The following ASTN2 variants were observed in gnomAD, a reference collection of about 807,000 sequenced individuals.
ASTN2 encodes the protein astrotactin 2, also known as astrotactin-2.
In ASTN2, 54 loss-of-function variants were observed where a neutral mutation model predicts 139.8. That is an observed-to-expected ratio of 0.39 (90% CI 0.31 to 0.48). The LOEUF is 0.48. Among genes scored for constraint, ASTN2 ranks in the 20% least tolerant of loss-of-function variants. ASTN2 has a pLI of 0.95. For missense variants in ASTN2, 1,565 were observed against 1,725.1 expected, an observed-to-expected ratio of 0.91 and a Z score of 1.64; for synonymous variants, 756 against 719.5, an observed-to-expected ratio of 1.05 and a Z score of -0.81.
At chr9:117,057,194 T>A (rs931497991) in intron 5 of ASTN2, among the ~76,000 whole-genome samples, 6 of 152,216 alleles carry the variant, frequency 3.9e-5, no homozygotes, top group African/African-American at 1.4e-4. Context: ...TTATCATGGT[T>A]CCTCCTAGCC....
chr9:116,896,386 G>C (rs1833879385), intron 10 of ASTN2, among the ~76,000 whole-genome samples: 1 of 152,232 alleles, frequency 6.6e-6, no homozygotes, highest in Admixed American at 6.5e-5. Context: ...GCCCAGGCTG[G>C]AGTGCAATGG....
intron 12 of ASTN2, among the ~76,000 whole-genome samples, chr9:116,813,272 T>C (rs1280387017): frequency 6.6e-6 from 1 of 152,182 alleles, no homozygotes; most frequent in Non-Finnish European, 1.5e-5. Flanking sequence ...TTATAGAGAA[T>C]ACCAAAACTA....
rs1370955613 is a variant in ASTN2, at chr9:117,016,645, T to TGTTAC, written c.1424-8387_1424-8386insGTAAC. Reference sequence around the variant, plus strand: ...CTATCTATATATATATATATATATATATATATATATAACCTATATATATGT... The same window carrying TGTTAC: ...CTATCTATATATATATATATATATATGTTACATATATATATAACCTATATATATGT... On this transcript the variant is annotated intron_variant, in intron 6 of 22. Transcript: ENST00000313400. Among the ~76,000 whole-genome samples, 214 of 21,904 alleles carry TGTTAC rather than the reference T, an allele frequency of 9.8e-3. 11 individuals are homozygous for TGTTAC. Among genetic ancestry groups the TGTTAC allele is most frequent in the South Asian group, 0.013 (9 of 670 alleles). 14.4% of individuals were successfully genotyped at this position (21,904 alleles called of 152,430 possible).
intron 19 of ASTN2, among the ~76,000 whole-genome samples, chr9:116,527,938 G>A (rs1456762076): frequency 9.2e-5 from 14 of 152,152 alleles, no homozygotes; most frequent in Admixed American, 9.2e-4. Flanking sequence ...AGAACTGTGA[G>A]TCAAACCTCT....
chr9:117,214,306 C>T (rs1409081356), intron 3 of ASTN2, 52 bp downstream of exon 3: 2 of 1,531,472 alleles, frequency 1.3e-6, no homozygotes, highest in Admixed American at 1.8e-5. Flanking sequence ...GCACCTCTTC[C>T]CATCTTTTCA....
intron 1 of ASTN2, among the ~76,000 whole-genome samples, chr9:117,362,621 A>G (rs2130898066): frequency 6.6e-6 from 1 of 152,204 alleles, no homozygotes; most frequent in South Asian, 2.1e-4. Flanking sequence ...CAGGATGGCA[A>G]GAGCTTCCTC....
At chr9:116,918,075 G>A (rs528165963) in intron 10 of ASTN2, among the ~76,000 whole-genome samples, 250 of 152,076 alleles carry the variant, frequency 1.6e-3, no homozygotes, top group Middle Eastern at 6.8e-3. Flanking sequence ...TTCTCTTGCC[G>A]CCACCATGTA....
intron 16 of ASTN2, among the ~76,000 whole-genome samples, chr9:116,680,620 C>T (rs2132018607): frequency 6.6e-6 from 1 of 152,264 alleles, no homozygotes; most frequent in African/African-American, 2.4e-5. Context: ...ATGCAAAAAT[C>T]CTCAATAAAA....
intron 11 of ASTN2, among the ~76,000 whole-genome samples, chr9:116,829,952 T>C (rs1831757756): frequency 1.3e-5 from 2 of 152,222 alleles, no homozygotes; most frequent in Non-Finnish European, 2.9e-5. Flanking sequence ...ATTTTGGACC[T>C]TGGCCTTGGG....
At chr9:116,969,027 T>C (rs1220398495) in intron 10 of ASTN2, among the ~76,000 whole-genome samples, 1 of 152,194 alleles carries the variant, frequency 6.6e-6, no homozygotes, top group African/African-American at 2.4e-5. Context: ...CCTGTCCTGC[T>C]TTTTCACTGG....
At chr9:116,563,148 G>T (rs1296763887) in intron 19 of ASTN2, among the ~76,000 whole-genome samples, 3 of 152,074 alleles carry the variant, frequency 2.0e-5, no homozygotes, top group Non-Finnish European at 4.4e-5. Flanking sequence ...GGCCGAGGTG[G>T]GCGGATCATA....
At chr9:116,807,889 A>G (rs1228596619) in intron 12 of ASTN2, among the ~76,000 whole-genome samples, 1 of 151,732 alleles carries the variant, frequency 6.6e-6, no homozygotes, top group African/African-American at 2.4e-5. Context: ...AGGTGGGTGG[A>G]TCATGAGGTC....
At chr9:117,154,343 T>C (rs909860308) in intron 3 of ASTN2, among the ~76,000 whole-genome samples, 6 of 152,002 alleles carry the variant, frequency 3.9e-5, no homozygotes, top group African/African-American at 1.4e-4. Context: ...TATTCATGAT[T>C]ACATGCCGTC....
At chr9:116,992,061 C>T (rs984156007) in intron 7 of ASTN2, among the ~76,000 whole-genome samples, 2 of 152,348 alleles carry the variant, frequency 1.3e-5, no homozygotes, top group Admixed American at 1.3e-4. Flanking sequence ...CCAGCACCAC[C>T]TTCACATGTG....
intron 3 of ASTN2, among the ~76,000 whole-genome samples, chr9:117,179,610 C>A (rs1332167096): frequency 6.6e-6 from 1 of 152,134 alleles, no homozygotes; most frequent in South Asian, 2.1e-4. Context: ...CTCTTCCTTG[C>A]CCCCATCTCT....
At chr9:117,116,502 ACTG>A (rs1829395128) in intron 4 of ASTN2, among the ~76,000 whole-genome samples, 1 of 152,158 alleles carries the variant, frequency 6.6e-6, no homozygotes, top group Non-Finnish European at 1.5e-5. Flanking sequence ...AACAGATTCA[ACTG>A]CTAACTTGAA....
intron 5 of ASTN2, among the ~76,000 whole-genome samples, chr9:117,061,781 C>T (rs879364104): frequency 1.2e-4 from 19 of 152,042 alleles, no homozygotes; most frequent in Non-Finnish European, 2.8e-4. Flanking sequence ...GCTCTCAATT[C>T]AGTTCTTCAA....
intron 1 of ASTN2, among the ~76,000 whole-genome samples, chr9:117,334,597 T>C (rs1322707556): frequency 2.0e-5 from 3 of 151,548 alleles, no homozygotes; most frequent in Non-Finnish European, 2.9e-5. Flanking sequence ...CAAACTGCCC[T>C]CCCTGCTAAA....
chr9:116,898,283 C>T (rs1050739153), intron 10 of ASTN2, among the ~76,000 whole-genome samples: 4 of 151,828 alleles, frequency 2.6e-5, no homozygotes, highest in Non-Finnish European at 4.4e-5. Flanking sequence ...GTGGTGTATG[C>T]TTGTGGTCTC....
Sources: gnomAD v4.1 joint callset for allele counts (sites outside exome capture counted in the v4.1 genomes callset) on GRCh38, gnomAD v4.1.1 for gene constraint, MANE v1.5 for transcripts, NCBI Gene and HGNC (gene_info 2026-07-23, HGNC 2026-07-21) for gene names.